NIT1: variants seen among roughly 807,000 people sequenced by gnomAD.
NIT1 encodes the protein deaminated glutathione amidase.
In NIT1, 30 loss-of-function variants were observed where a neutral mutation model predicts 36.8. The ratio of observed to expected loss-of-function variants is 0.82; its 90% confidence interval spans 0.61 to 1.11. The LOEUF (loss-of-function observed/expected upper bound fraction) is 1.11. NIT1 is among the 50% of genes least tolerant of loss of function. NIT1 has a pLI of 0.00. For synonymous variants in NIT1, 151 were observed against 155.6 expected (o/e 0.97, Z 0.22); for missense variants, 438 against 410.6 (o/e 1.07, Z -0.58).
chr1:161,123,322 A>G (rs887706602), downstream of NIT1: 14 of 1,161,690 alleles, frequency 1.2e-5, no homozygotes, highest in Non-Finnish European at 1.6e-5. Context: ...TTAGCACTAA[A>G]AGCAGTGGAA....
In NIT1 at chr1:161,118,855, A is replaced by T. The variant is rs752710458; in HGVS notation, c.72A>T (p.Gln24His). Reference sequence around the variant, plus strand: ...TGTGTCCTGGACTCCGGATACCTCAACTCTCAGTACTTTGTGCTCAGCCCA... The same window carrying T: ...TGTGTCCTGGACTCCGGATACCTCATCTCTCAGTACTTTGTGCTCAGCCCA... ...SLLCPGLRIP[Q>H]LSVLCAQPRP... The change falls in exon 2 of 7, where the codon CAA becomes CAT. Residue 24 changes from glutamine to histidine, a missense_variant. Transcript: ENST00000368009. The T allele has an allele frequency of 3.1e-6, 5 of 1,613,614 alleles. No individual in the cohort carries two copies. In the African/African-American group the frequency reaches 6.7e-5, roughly 22 times the overall value.
intron 6 of NIT1, 49 bp downstream of exon 6, chr1:161,120,281 T>G: frequency 1.9e-6 from 3 of 1,606,470 alleles, no homozygotes; most frequent in Admixed American, 3.3e-5. Context: ...TAACCTCATC[T>G]TCCCCCCTTG....
chr1:161,124,189 T>C (rs1314195870), downstream of NIT1: 6 of 1,614,108 alleles, frequency 3.7e-6, no homozygotes, highest in African/African-American at 2.7e-5. Flanking sequence ...TGGCGAGTGA[T>C]GATGCGCAGC....
Position 161,118,900 on chromosome 1 carries a change from T to A in NIT1, c.98+19T>A. The A allele has an allele frequency of 1.9e-6, 3 of 1,576,140 alleles. No individual in the cohort carries two copies. The highest frequency in any genetic ancestry group is 2.6e-6 in the Non-Finnish European group (3 of 1,145,600). On this transcript the variant is annotated intron_variant, in intron 2 of 6. Coordinates refer to ENST00000368009, the MANE Select transcript of NIT1 (RefSeq NM_005600.3). ...AGCCCAGGTAACACGTTTTGTTGTG[T>A]CCTCAGTGCCTGGCACTTAGATGCT...
downstream of NIT1, chr1:161,121,943 G>T: frequency 1.6e-6 from 1 of 614,004 alleles, no homozygotes; most frequent in Non-Finnish European, 2.8e-6. Context: ...AAATGGAAAA[G>T]GGAAATAAAG....
At chr1:161,118,630 C>G in intron 1 of NIT1, 156 bp from the exon 2 acceptor site, 1 of 1,527,770 alleles carries the variant, frequency 6.5e-7, no homozygotes, top group Non-Finnish European at 8.8e-7. Flanking sequence ...GGTCTTGTCC[C>G]TTAGCCTATA....
At chr1:161,120,355 T>C in intron 6 of NIT1, 123 bp downstream of exon 6, 1 of 1,461,602 alleles carries the variant, frequency 6.8e-7, no homozygotes, top group South Asian at 1.3e-5. Context: ...CAGATATTTC[T>C]CTCATGAATA....
chr1:161,125,256 G>A (rs1364940095), downstream of NIT1: 6 of 152,112 alleles, frequency 3.9e-5, no homozygotes, highest in Non-Finnish European at 5.9e-5. Context: ...AGAAAATCAC[G>A]GGTAACCCTT....
chr1:161,123,881 G>A (rs933198992), downstream of NIT1: 2 of 1,614,042 alleles, frequency 1.2e-6, no homozygotes, highest in Admixed American at 3.3e-5. Flanking sequence ...GGATCACTGA[G>A]GGCTCTGGGG....
chr1:161,122,180 G>T, downstream of NIT1: 1 of 1,613,928 alleles, frequency 6.2e-7, no homozygotes, highest in South Asian at 1.1e-5. The surrounding 1 kb of genome is among the most constrained non-coding windows in gnomAD (Gnocchi z 4.2). Context: ...AGTTCCTCAG[G>T]AGTTTCTGTC....
At chr1:161,120,474 A>G (rs1458629946) in intron 6 of NIT1, 25 bp from the exon 7 acceptor site, 1 of 1,609,050 alleles carries the variant, frequency 6.2e-7, no homozygotes, top group Non-Finnish European at 8.5e-7. Context: ...ACATGTACTT[A>G]AGTGAACACA....
Position 161,120,804 on chromosome 1 carries a change from C to T in NIT1, c.*39C>T. On this transcript the variant is annotated 3_prime_UTR_variant, in exon 7 of 7. Coordinates refer to ENST00000368009, the MANE Select transcript of NIT1 (RefSeq NM_005600.3). ...TGAGTTTAGACCTGCCCCTCCCACC[C>T]CCACCCTGCCACTATGAGCTAGTGC... 1 of 1,585,874 alleles carries T rather than the reference C, an allele frequency of 6.3e-7. No individual in the cohort carries two copies. Among genetic ancestry groups the T allele is most frequent in the Non-Finnish European group, 8.6e-7 (1 of 1,167,222 alleles).
chr1:161,121,624 G>A (rs1389845545), downstream of NIT1: 2 of 155,670 alleles, frequency 1.3e-5, no homozygotes, highest in African/African-American at 4.8e-5. Context: ...CAGAGGCCAG[G>A]AGAGAGTGGA....
chr1:161,118,224 C>G (rs1255046954), intron 1 of NIT1, 46 bp downstream of exon 1: 4 of 1,613,894 alleles, frequency 2.5e-6, no homozygotes, highest in Non-Finnish European at 3.4e-6. Context: ...ATCCCACCTG[C>G]GGTGCTTTAA....
downstream of NIT1, chr1:161,124,294 C>T: frequency 6.2e-6 from 10 of 1,614,214 alleles, no homozygotes; most frequent in Non-Finnish European, 8.5e-6. Flanking sequence ...AGTCCACGCT[C>T]GTGGTCATCA....
At chr1:161,118,413 AG>A in intron 1 of NIT1, 1 of 1,533,518 alleles carries the variant, frequency 6.5e-7, no homozygotes, top group Non-Finnish European at 8.7e-7. Flanking sequence ...TTCTGGTGAA[AG>A]GGGAAATATG....
rs1292589219 is a variant in NIT1 at position 161,121,073 on chromosome 1, C to G, written c.*308C>G. On this transcript the variant is annotated 3_prime_UTR_variant, in exon 7 of 7. Transcript: ENST00000368009. ...AATATAATAATCATAAAGTCTGTGT[C>G]TGGACATCGCCTTTGGGAACTAGAA... 12 of 1,197,552 alleles carry G rather than the reference C, an allele frequency of 1.0e-5. No homozygotes were observed. The East Asian group carries it at 6.2e-4, about 62-fold the overall frequency. The allele number at this position is 1,197,552 out of a possible 1,614,324, so 74.2% of individuals were successfully genotyped here. A position where few individuals can be genotyped will look rare whatever the true frequency, so the allele number is the denominator to read the frequency against.
downstream of NIT1, among the ~76,000 whole-genome samples, chr1:161,123,597 C>T (rs1190486844): frequency 1.4e-5 from 2 of 147,298 alleles, no homozygotes. Flanking sequence ...GATTGCGCCA[C>T]TGCACTCCAG....
At chr1:161,119,011 G>C in intron 2 of NIT1, 123 bp from the exon 3 acceptor site, 2 of 1,387,526 alleles carry the variant, frequency 1.4e-6, no homozygotes, top group Non-Finnish European at 2.0e-6. Flanking sequence ...CTGGGTCAAC[G>C]TGCCCTGTAA....
Sources: allele counts gnomAD v4.1 joint callset (sites outside exome capture counted in the v4.1 genomes callset), GRCh38; gene constraint gnomAD v4.1.1; non-coding constraint Gnocchi (gnomAD v3.1); transcripts MANE v1.5; gene names NCBI Gene and HGNC (gene_info 2026-07-23, HGNC 2026-07-21).